Variants in ADGRB3 observed in about 807,000 individuals in gnomAD.
ADGRB3 encodes the protein brain-specific angiogenesis inhibitor 3.
In ADGRB3, 37 loss-of-function variants were observed where a neutral mutation model predicts 193.4. The ratio of observed to expected loss-of-function variants is 0.19; its 90% CI spans 0.15 to 0.25. The LOEUF is 0.25. Among genes scored for constraint, ADGRB3 ranks in the 10% least tolerant of loss-of-function variants. The pLI is 1.00. For synonymous variants in ADGRB3, 690 were observed against 644.2 expected, an observed-to-expected ratio of 1.07 and a Z score of -1.08; for missense variants, 1,637 against 1,852.9, an observed-to-expected ratio of 0.88 and a Z score of 2.14.
chr6:68,673,875 A>G (rs1034877745), intron 3 of ADGRB3, among the ~76,000 whole-genome samples: 2 of 152,148 alleles, frequency 1.3e-5, no homozygotes, highest in African/African-American at 4.8e-5. Context: ...TGCAGAGGGA[A>G]TAGGGACTAT....
At chr6:68,764,600 A>C (rs1297692032) in intron 3 of ADGRB3, among the ~76,000 whole-genome samples, 1 of 152,184 alleles carries the variant, frequency 6.6e-6, no homozygotes, top group African/African-American at 2.4e-5. Flanking sequence ...AAATATAATA[A>C]TGCACCATGT....
chr6:68,723,524 C>T (rs1220798075), intron 3 of ADGRB3, among the ~76,000 whole-genome samples: 1 of 151,640 alleles, frequency 6.6e-6, no homozygotes, highest in Non-Finnish European at 1.5e-5. Flanking sequence ...TTCTGCCTCA[C>T]ATAAAAAATT....
intron 3 of ADGRB3, among the ~76,000 whole-genome samples, chr6:68,909,696 G>A (rs1230954055): frequency 6.6e-6 from 1 of 152,130 alleles, no homozygotes; most frequent in African/African-American, 2.4e-5. Context: ...CTCAGAGTGG[G>A]ACTTAAATGG....
intron 17 of ADGRB3, among the ~76,000 whole-genome samples, chr6:69,157,914 C>A: frequency 6.6e-6 from 1 of 152,088 alleles, no homozygotes; most frequent in East Asian, 1.9e-4. Context: ...AGAACTACCT[C>A]TATTAAGAGT....
At position 68,784,538 on chromosome 6, in the gene ADGRB3, A is replaced by G. The variant is rs188663896; in HGVS notation, c.757+145106A>G. On this transcript the variant is annotated intron_variant, in intron 3 of 31. Transcript: ENST00000370598. ...ATTACTTCACAGTATAAACTTTCTC[A>G]TGTATATACTTTTTTTCACTAGCAA... Among the ~76,000 whole-genome samples the G allele has an allele frequency of 2.5e-3, 380 of 152,142 alleles. 1 individual carries two copies. The highest frequency in any genetic ancestry group is 6.8e-3 in the Middle Eastern group (2 of 294).
chr6:69,124,122 CTCTG>C (rs1235947541), intron 17 of ADGRB3, among the ~76,000 whole-genome samples: 1 of 151,526 alleles, frequency 6.6e-6, no homozygotes, highest in African/African-American at 2.4e-5. Flanking sequence ...ATTTTTAACT[CTCTG>C]TAATTTTTGA....
At chr6:69,294,632 T>TA (rs1767768726) in intron 20 of ADGRB3, among the ~76,000 whole-genome samples, 2 of 152,272 alleles carry the variant, frequency 1.3e-5, no homozygotes, top group Non-Finnish European at 2.9e-5. Flanking sequence ...AAATAAGACT[T>TA]ACACATATGG....
At chr6:69,257,512 T>C (rs1363125492) in intron 20 of ADGRB3, among the ~76,000 whole-genome samples, 2 of 152,206 alleles carry the variant, frequency 1.3e-5, no homozygotes, top group African/African-American at 4.8e-5. Flanking sequence ...TAGTATTCTC[T>C]GATGTAAATA....
chr6:68,775,135 A>T (rs1273849929), intron 3 of ADGRB3, among the ~76,000 whole-genome samples: 1 of 81,386 alleles, frequency 1.2e-5, no homozygotes, highest in East Asian at 4.4e-4. Context: ...AGCTCTGACA[A>T]GCTGCTTGTT....
At chr6:68,777,493 C>A (rs1582192978) in intron 3 of ADGRB3, among the ~76,000 whole-genome samples, 1 of 151,756 alleles carries the variant, frequency 6.6e-6, no homozygotes, top group East Asian at 1.9e-4. Context: ...TATTAACGAC[C>A]AGTAATAACC....
intron 17 of ADGRB3, among the ~76,000 whole-genome samples, chr6:69,183,472 G>A (rs1372165538): frequency 6.6e-6 from 1 of 151,890 alleles, no homozygotes; most frequent in Non-Finnish European, 1.5e-5. Context: ...TTTCAAATTG[G>A]AATTCCAATT....
chr6:68,742,192 C>T (rs555992366), intron 3 of ADGRB3, among the ~76,000 whole-genome samples: 5 of 152,278 alleles, frequency 3.3e-5, no homozygotes, highest in Non-Finnish European at 7.4e-5. Flanking sequence ...AGTCTTATCA[C>T]AAGTCATTGC....
Position 69,328,820 on chromosome 6 carries a change from C to T in ADGRB3, c.3035+931C>T, listed in dbSNP as rs531294881. On this transcript the variant is annotated intron_variant, in intron 22 of 31. Coordinates refer to ENST00000370598, the MANE Select transcript of ADGRB3 (RefSeq NM_001704.3). ...ATAGATGGCACAGTACTGGTTACTA[C>T]AGCACTAGCACCTTAATTTATTACT... is the stretch of plus-strand genomic sequence containing the variant. 3.9e-5 allele frequency among the ~76,000 whole-genome samples: 6 copies of T among 152,206 alleles called. 1 individual carries two copies. The South Asian group carries it at 1.2e-3, about 32-fold the overall frequency.
chr6:69,274,621 CCCTT>C (rs1185200607), intron 20 of ADGRB3, among the ~76,000 whole-genome samples: 11 of 92,686 alleles, frequency 1.2e-4, no homozygotes, highest in African/African-American at 4.5e-4. Context: ...CTCCCTCCCT[CCCTT>C]CCTTCCTTCT....
At chr6:68,944,141 C>A in intron 6 of ADGRB3, 147 bp downstream of exon 6, 3 of 782,816 alleles carry the variant, frequency 3.8e-6, no homozygotes, top group Non-Finnish European at 5.8e-6. Flanking sequence ...AAACTGGGTA[C>A]TTTTCTTGAT....
At chr6:69,199,802 G>C (rs1765381852) in intron 17 of ADGRB3, among the ~76,000 whole-genome samples, 1 of 152,070 alleles carries the variant, frequency 6.6e-6, no homozygotes, top group African/African-American at 2.4e-5. Flanking sequence ...TGAGCTCTCT[G>C]TTCTTCATGA....
chr6:69,068,878 T>G (rs1336048557), intron 16 of ADGRB3, among the ~76,000 whole-genome samples: 1 of 152,168 alleles, frequency 6.6e-6, no homozygotes, highest in Non-Finnish European at 1.5e-5. Flanking sequence ...TAAAACAGTA[T>G]TCTACATTTC....
At chr6:69,050,332 C>G (rs1771357525) in intron 15 of ADGRB3, among the ~76,000 whole-genome samples, 2 of 152,122 alleles carry the variant, frequency 1.3e-5, no homozygotes, top group Admixed American at 1.3e-4. Context: ...CATCCAGAGC[C>G]CCTGTGGTTG....
Position 69,382,937 on chromosome 6 carries a change from T to C in ADGRB3, c.4380+2T>C. 6.3e-7 allele frequency: 1 copy of C among 1,584,038 alleles called. No homozygotes were observed. The highest frequency in any genetic ancestry group is 8.6e-7 in the Non-Finnish European group (1 of 1,156,628). On this transcript the variant is annotated splice_donor_variant, in intron 31 of 31. Transcript: ENST00000370598. LOFTEE classifies it high-confidence loss of function. ...GATATACCAAATACAAGCAGTATGG[T>C]AAGTATGCTTTGCTTCAATGCCTGA... is the stretch of plus-strand genomic sequence containing the variant.
Sources: gnomAD v4.1 joint callset for allele counts (sites outside exome capture counted in the v4.1 genomes callset) on GRCh38, gnomAD v4.1.1 for gene constraint, MANE v1.5 for transcripts, NCBI Gene and HGNC (gene_info 2026-07-23, HGNC 2026-07-21) for gene names.